Variants in PTCH1 observed in about 807,000 individuals in gnomAD.
PTCH1 encodes the protein protein patched homolog 1.
In PTCH1, 14 loss-of-function variants were observed where a neutral mutation model predicts 144.6. The ratio of observed to expected loss-of-function variants is 0.10; its 90% CI spans 0.06 to 0.15. The LOEUF (loss-of-function observed/expected upper bound fraction) is 0.15. PTCH1 is among the 10% of genes least tolerant of loss of function. The pLI, the probability that PTCH1 is intolerant of heterozygous loss-of-function variation, is 1.00. For missense variants in PTCH1, 1,623 were observed against 1,948.3 expected (o/e 0.83, Z 3.14); for synonymous variants, 833 against 793.6 (o/e 1.05, Z -0.83).
At chr9:95,489,901 C>T (rs557743100) in intron 2 of PTCH1, among the ~76,000 whole-genome samples, 24 of 150,914 alleles carry the variant, frequency 1.6e-4, no homozygotes, top group East Asian at 6.0e-4. Context: ...CCAGGGTTCA[C>T]GCCATTCTCC....
intron 16 of PTCH1, among the ~76,000 whole-genome samples, chr9:95,461,603 A>C (rs1365398287): frequency 6.6e-6 from 1 of 152,220 alleles, no homozygotes; most frequent in Non-Finnish European, 1.5e-5. Context: ...TATTCTGACA[A>C]TTGTTCTGGT....
In PTCH1 at chr9:95,444,606, T is replaced by C. The variant is rs1837731108; in HGVS notation, c.*1787A>G. 6.6e-6 allele frequency: 1 copy of C among 152,200 alleles called. No individual in the cohort carries two copies. 9.4% of individuals were successfully genotyped at this position (152,200 alleles called of 1,614,324 possible). On this transcript the variant is annotated 3_prime_UTR_variant, in exon 24 of 24. Coordinates refer to ENST00000331920, the MANE Select transcript of PTCH1 (RefSeq NM_000264.5). ...ATCAGGGTCTGAGGTCACTATGCTGTGGGTATTTCTGGGGGCCCATTACCT... is the reference window on the plus strand; with the variant it reads ...ATCAGGGTCTGAGGTCACTATGCTGCGGGTATTTCTGGGGGCCCATTACCT...
chr9:95,496,365 T>G (rs548809361), intron 2 of PTCH1, among the ~76,000 whole-genome samples: 4 of 152,072 alleles, frequency 2.6e-5, no homozygotes, highest in Admixed American at 6.5e-5. Context: ...TCAGAAAAAT[T>G]TATTCAAGTC....
Position 95,479,032 on chromosome 9 carries a change from T to C in PTCH1, c.1183A>G (p.Ile395Val), listed in dbSNP as rs139498131. Residue 395 changes from isoleucine to valine, a missense_variant, in exon 8 of 24, where the codon ATC becomes GTC. Ile to Val is a conservative substitution (Grantham distance 29, BLOSUM62 3). Transcript: ENST00000331920. Reference sequence around the variant, plus strand: ...TATGTCCTCTGCCAGGCCTCCAGGATGGCTGCCGCTTTGTCCTCGTTCCAG... The same window carrying C: ...TATGTCCTCTGCCAGGCCTCCAGGACGGCTGCCGCTTTGTCCTCGTTCCAG... Reference protein sequence around the residue: ...INWNEDKAAAILEAWQRTYVE... With the variant: ...INWNEDKAAAVLEAWQRTYVE... The C allele has an allele frequency of 8.1e-5, 131 of 1,614,226 alleles. No homozygotes were observed. In the African/African-American group the frequency reaches 1.5e-3, roughly 18 times the overall value.
intron 5 of PTCH1, among the ~76,000 whole-genome samples, chr9:95,480,954 T>G (rs1430646760): frequency 2.6e-5 from 4 of 152,204 alleles, no homozygotes; most frequent in Non-Finnish European, 1.5e-5. Flanking sequence ...AAATTAGCAC[T>G]TGGCAGCCAA....
chr9:95,473,630 C>T (rs1368566640), intron 12 of PTCH1, among the ~76,000 whole-genome samples: 17 of 151,556 alleles, frequency 1.1e-4, no homozygotes, highest in Admixed American at 6.6e-5. Flanking sequence ...CCGCAACCTC[C>T]GCCTCCCGGG....
chr9:95,509,418 C>A (rs1844022348), upstream of PTCH1, among the ~76,000 whole-genome samples: 1 of 152,214 alleles, frequency 6.6e-6, no homozygotes, highest in Non-Finnish European at 1.5e-5. Flanking sequence ...CAACAGCTCA[C>A]CAAAGTAGAG....
At chr9:95,472,532 T>C (rs893546806) in intron 12 of PTCH1, among the ~76,000 whole-genome samples, 1 of 152,112 alleles carries the variant, frequency 6.6e-6, no homozygotes, top group Non-Finnish European at 1.5e-5. Context: ...AAATCAGTCA[T>C]GTTTAGAATG....
At chr9:95,498,737 T>A (rs1225484699) in intron 2 of PTCH1, among the ~76,000 whole-genome samples, 1 of 152,226 alleles carries the variant, frequency 6.6e-6, no homozygotes, top group Non-Finnish European at 1.5e-5. Context: ...CAGAAGTGTT[T>A]ATATTTTGAT....
intron 20 of PTCH1, chr9:95,451,003 A>AG (rs1564010970): frequency 6.9e-6 from 1 of 144,766 alleles, no homozygotes; most frequent in Admixed American, 6.7e-5. Flanking sequence ...ATGTTCTGGG[A>AG]AGGGGGGGGC....
rs55986818 is a variant in PTCH1 at position 95,478,857 on chromosome 9, G to A, written c.1215+143C>T. 0.012 allele frequency: 15,084 copies of A among 1,299,686 alleles called. 119 individuals are homozygous for A. The highest frequency in any genetic ancestry group is 0.026 in the East Asian group (1,020 of 39,494). 80.5% of individuals were successfully genotyped at this position (1,299,686 alleles called of 1,614,324 possible). Reference sequence around the variant, plus strand: ...CCAGGATTTTCAATATCAAAGAAGAGGAAAAAAGTTTTCATCCCATCAAGT... The same window carrying A: ...CCAGGATTTTCAATATCAAAGAAGAAGAAAAAAGTTTTCATCCCATCAAGT... On this transcript the variant is annotated intron_variant, in intron 8 of 23. Coordinates refer to ENST00000331920, the MANE Select transcript of PTCH1 (RefSeq NM_000264.5).
chr9:95,470,055 C>A (rs570126414), intron 12 of PTCH1, 124 bp from the exon 13 acceptor site: 1 of 772,120 alleles, frequency 1.3e-6, no homozygotes, highest in South Asian at 1.4e-5. Context: ...GCATTTGAAA[C>A]CGTGACAGAT....
intron 2 of PTCH1, 63 bp downstream of exon 2, chr9:95,506,344 A>C (rs2118870745): frequency 2.6e-6 from 4 of 1,549,930 alleles, no homozygotes; most frequent in Non-Finnish European, 3.5e-6. Context: ...GCTGGCGAAT[A>C]TCTCTATCAA....
rs1472877336 is a variant in PTCH1 at position 95,470,249 on chromosome 9, A to G, written c.1729-318T>C. On this transcript the variant is annotated intron_variant, in intron 12 of 23. Transcript: ENST00000331920. ...TCCACAAAGGCAGAACAGAGAGCACACTCGAGATAGAATTTAAAACAAACA... is the reference window on the plus strand; with the variant it reads ...TCCACAAAGGCAGAACAGAGAGCACGCTCGAGATAGAATTTAAAACAAACA... Among the ~76,000 whole-genome samples, 3 of 152,344 alleles carry G rather than the reference A, an allele frequency of 2.0e-5. No individual in the cohort carries two copies. The East Asian group carries it at 5.8e-4, about 29-fold the overall frequency.
upstream of PTCH1, among the ~76,000 whole-genome samples, chr9:95,509,924 A>C (rs891589495): frequency 3.3e-5 from 5 of 152,128 alleles, no homozygotes; most frequent in African/African-American, 1.2e-4. Context: ...TGGAAAGTTA[A>C]AGAGGAAAGC....
chr9:95,446,556 T>C (rs183664296), intron 23 of PTCH1, 165 bp from the exon 24 acceptor site: 131 of 440,310 alleles, frequency 3.0e-4, no homozygotes, highest in Non-Finnish European at 4.0e-4. Context: ...TCCCTTCATC[T>C]GGGGGCTGGT....
intron 1 of PTCH1, 73 bp from the exon 2 acceptor site, chr9:95,506,672 A>C: frequency 7.2e-7 from 1 of 1,387,198 alleles, no homozygotes; most frequent in Non-Finnish European, 9.5e-7. Flanking sequence ...GCTTGCGCGC[A>C]CCCGCCCGGT....
exon 1 of PTCH1, chr9:95,516,528 TG>T: frequency 6.5e-7 from 1 of 1,542,332 alleles, no homozygotes; most frequent in South Asian, 1.2e-5. Context: ...ACGCTGGGCT[TG>T]GATTTCACAT....
upstream of PTCH1, chr9:95,514,146 CA>C (rs1844266478): frequency 6.6e-6 from 1 of 152,170 alleles, no homozygotes; most frequent in Non-Finnish European, 1.5e-5. Context: ...AGCATGTCAC[CA>C]ACTGCTGAAT....
Sources: allele counts gnomAD v4.1 joint callset (sites outside exome capture counted in the v4.1 genomes callset), GRCh38; gene constraint gnomAD v4.1.1; transcripts MANE v1.5; gene names NCBI Gene and HGNC (gene_info 2026-07-23, HGNC 2026-07-21).